ORC4: variants seen among roughly 807,000 people sequenced by gnomAD.
ORC4 encodes origin recognition complex subunit 4.
ORC4 carries 55 observed loss-of-function variants against 63.9 expected under a neutral mutation model. The ratio of observed to expected loss-of-function variants is 0.86; its 90% CI spans 0.69 to 1.08. The LOEUF is 1.08. Ranked by LOEUF, ORC4 falls within the 50% of genes least tolerant of loss-of-function variation. ORC4 has a pLI of 0.00. For synonymous variants in ORC4, 150 were observed against 168.5 expected (o/e 0.89, Z 0.85); for missense variants, 511 against 504.4 (o/e 1.01, Z -0.13).
At chr2:147,973,642 C>T in intron 2 of ORC4, 118 bp from the exon 3 acceptor site, 1 of 628,154 alleles carries the variant, frequency 1.6e-6, no homozygotes, top group Non-Finnish European at 2.8e-6. Flanking sequence ...TTCAACCCTC[C>T]CTAAATTCTT....
chr2:147,964,790 T>G (rs1191760879), intron 4 of ORC4, among the ~76,000 whole-genome samples: 11 of 152,108 alleles, frequency 7.2e-5, no homozygotes, highest in Admixed American at 4.6e-4. Context: ...TAAACTATCA[T>G]TTTTTTAAAT....
At chr2:148,010,658 G>A (rs1045439680) in intron 1 of ORC4, among the ~76,000 whole-genome samples, 1 of 151,740 alleles carries the variant, frequency 6.6e-6, no homozygotes, top group Non-Finnish European at 1.5e-5. Context: ...AACCAAAATC[G>A]AAATAGACCC....
chr2:147,996,640 A>C (rs1691993354), intron 1 of ORC4, among the ~76,000 whole-genome samples: 1 of 152,248 alleles, frequency 6.6e-6, no homozygotes. Context: ...AGAGGTGGCA[A>C]ATAAGCATAT....
chr2:148,020,890 C>G (rs1386368512), upstream of ORC4: 1 of 152,396 alleles, frequency 6.6e-6, no homozygotes. Context: ...AGCGTAGCGA[C>G]TTCCTCCTCC....
chr2:147,970,669 A>G (rs566879826), intron 4 of ORC4, among the ~76,000 whole-genome samples: 30 of 152,114 alleles, frequency 2.0e-4, no homozygotes, highest in African/African-American at 7.0e-4. Flanking sequence ...CATCTTTCAC[A>G]AAAATTAACT....
intron 9 of ORC4, 45 bp downstream of exon 9, chr2:147,948,006 A>C (rs1489457053): frequency 2.0e-6 from 3 of 1,483,334 alleles, no homozygotes; most frequent in South Asian, 2.3e-5. Flanking sequence ...AATTGCTTTA[A>C]ATCATATAGC....
At chr2:147,955,997 G>GT (rs1689229252) in intron 6 of ORC4, among the ~76,000 whole-genome samples, 1 of 151,888 alleles carries the variant, frequency 6.6e-6, no homozygotes. Context: ...AACATTTTTG[G>GT]ATACTATTAA....
At chr2:148,011,592 C>G (rs1184235081) in intron 1 of ORC4, among the ~76,000 whole-genome samples, 1 of 152,098 alleles carries the variant, frequency 6.6e-6, no homozygotes, top group South Asian at 2.1e-4. Context: ...CACTATTACT[C>G]AAGTTAGTAA....
intron 10 of ORC4, among the ~76,000 whole-genome samples, chr2:147,940,668 C>T (rs1231012480): frequency 6.6e-6 from 1 of 151,676 alleles, no homozygotes; most frequent in South Asian, 2.1e-4. Context: ...ACTATGGATA[C>T]TACACAGTCA....
chr2:147,984,155 T>A (rs1691054774), intron 1 of ORC4, among the ~76,000 whole-genome samples: 1 of 152,090 alleles, frequency 6.6e-6, no homozygotes, highest in South Asian at 2.1e-4. Context: ...ATTACCTGTT[T>A]AGTTACACCC....
intron 1 of ORC4, among the ~76,000 whole-genome samples, chr2:148,015,610 G>A (rs946126436): frequency 3.3e-5 from 5 of 151,612 alleles, no homozygotes; most frequent in African/African-American, 4.8e-5. Context: ...CACCACACCC[G>A]GCCTGGAATA....
rs1558882591 is a variant in ORC4 at position 148,014,193 on chromosome 2, C to CA, written c.-18+6439dup. ...ACCTCATTTAAAATAAAAATAAACA[C>CA]AAAAAATCAAAATCAAAAATAAAAA... On this transcript the variant is annotated intron_variant, in intron 1 of 13. Coordinates refer to ENST00000392857, the MANE Select transcript of ORC4 (RefSeq NM_181741.4). 2.6e-5 allele frequency among the ~76,000 whole-genome samples: 4 copies of CA among 151,972 alleles called. No homozygotes were observed. In the East Asian group the frequency reaches 7.7e-4, roughly 29 times the overall value.
chr2:147,959,354 A>G (rs1689447891), intron 4 of ORC4, among the ~76,000 whole-genome samples: 1 of 140,430 alleles, frequency 7.1e-6, no homozygotes, highest in East Asian at 2.3e-4. Flanking sequence ...CATATTACCA[A>G]TGCATTCTTT....
At chr2:147,981,238 T>C (rs1690868817) in intron 1 of ORC4, among the ~76,000 whole-genome samples, 1 of 152,168 alleles carries the variant, frequency 6.6e-6, no homozygotes, top group South Asian at 2.1e-4. Context: ...TCTCTCTATA[T>C]ACTATGTTCT....
chr2:147,983,509 C>T (rs1691009957), intron 1 of ORC4, among the ~76,000 whole-genome samples: 1 of 152,152 alleles, frequency 6.6e-6, no homozygotes, highest in African/African-American at 2.4e-5. Context: ...CAAACACAAA[C>T]TCTCTAATTC....
intron 1 of ORC4, among the ~76,000 whole-genome samples, chr2:148,011,731 C>T (rs558007333): frequency 2.4e-4 from 37 of 152,168 alleles, no homozygotes; most frequent in South Asian, 6.2e-4. Context: ...CTCCAACAAA[C>T]GACTATTAGA....
At chr2:148,014,061 A>G (rs1693125868) in intron 1 of ORC4, among the ~76,000 whole-genome samples, 1 of 152,094 alleles carries the variant, frequency 6.6e-6, no homozygotes, top group Non-Finnish European at 1.5e-5. Context: ...ATCAAAGCAC[A>G]AGGCCAGGTG....
chr2:147,959,966 C>G (rs1318231325), intron 4 of ORC4, among the ~76,000 whole-genome samples: 3 of 152,204 alleles, frequency 2.0e-5, no homozygotes, highest in Non-Finnish European at 4.4e-5. Flanking sequence ...GAGTTGGTCT[C>G]TCAAAACAGT....
intron 1 of ORC4, among the ~76,000 whole-genome samples, chr2:147,991,699 G>GT (rs1691621060): frequency 2.0e-5 from 3 of 151,962 alleles, no homozygotes; most frequent in Admixed American, 2.0e-4. Flanking sequence ...GTCGTGGTGC[G>GT]TACCTGTAAT....
Sources: gnomAD v4.1 joint callset for allele counts (sites outside exome capture counted in the v4.1 genomes callset) on GRCh38, gnomAD v4.1.1 for gene constraint, MANE v1.5 for transcripts, NCBI Gene and HGNC (gene_info 2026-07-23, HGNC 2026-07-21) for gene names.